FAM53A: variants seen among roughly 807,000 people sequenced by gnomAD.
FAM53A encodes family with sequence similarity 53 member A, also known as protein FAM53A.
FAM53A carries 28 observed loss-of-function variants against 26.6 expected under a neutral mutation model. The observed-to-expected ratio is 1.05, with a 90% CI of 0.78 to 1.45. The LOEUF (loss-of-function observed/expected upper bound fraction) is 1.45, where lower values mean the gene tolerates loss of function less well. FAM53A is among the 40% of genes most tolerant of loss of function. The pLI, the probability that FAM53A is intolerant of heterozygous loss-of-function variation, is 0.00. For synonymous variants in FAM53A, 290 were observed against 253.1 expected (o/e 1.15, Z -1.38); for missense variants, 650 against 575.8 (o/e 1.13, Z -1.32).
rs531449285 is a variant in FAM53A, at chr4:1,658,203, G to A, written c.76-735C>T. On this transcript the variant is annotated intron_variant, in intron 2 of 4. Coordinates refer to ENST00000308132, the MANE Select transcript of FAM53A (RefSeq NM_001174070.3). ...TTTTGTTTTTTTAAATATATTTTTCGTAGAGACAGGGTTTCACCGTGTCAG... is the reference window on the plus strand; with the variant it reads ...TTTTGTTTTTTTAAATATATTTTTCATAGAGACAGGGTTTCACCGTGTCAG... Among the ~76,000 whole-genome samples, 9 of 151,078 alleles carry A rather than the reference G, an allele frequency of 6.0e-5. No homozygotes were observed. In the South Asian group the frequency reaches 6.3e-4, roughly 11 times the overall value.
At chr4:1,672,315 T>C (rs1299211083) in intron 1 of FAM53A, among the ~76,000 whole-genome samples, 1 of 69,494 alleles carries the variant, frequency 1.4e-5, no homozygotes, top group Admixed American at 1.3e-4. Flanking sequence ...CATGAACCCA[T>C]GGACCCACAA....
chr4:1,605,682 G>C, the FAM53A span, among the ~76,000 whole-genome samples: 1 of 152,068 alleles, frequency 6.6e-6, no homozygotes, highest in Non-Finnish European at 1.5e-5. This position sits in a 1 kb window ranked among gnomAD's most constrained non-coding sequence, Gnocchi z 5.7. Context: ...GACCCTGCAG[G>C]GTGAGCTCTG....
chr4:1,656,927 G>C (rs1408024066), intron 3 of FAM53A, among the ~76,000 whole-genome samples: 2 of 152,270 alleles, frequency 1.3e-5, no homozygotes, highest in African/African-American at 4.8e-5. Flanking sequence ...ACACCAGCCA[G>C]CCTCCATACT....
At chr4:1,669,583 G>A (rs1462395594) in intron 1 of FAM53A, among the ~76,000 whole-genome samples, 1 of 152,234 alleles carries the variant, frequency 6.6e-6, no homozygotes, top group East Asian at 1.9e-4. Context: ...TGCACCCAGC[G>A]TGTCCCCAAA....
intron 2 of FAM53A, among the ~76,000 whole-genome samples, chr4:1,661,069 T>C (rs1713799927): frequency 6.6e-6 from 1 of 151,040 alleles, no homozygotes; most frequent in African/African-American, 2.4e-5. Flanking sequence ...TCACACCGCC[T>C]CCTCTCTCCC....
chr4:1,624,455 G>T (rs959587336), intron 1 of FAM53A, among the ~76,000 whole-genome samples: 1 of 152,188 alleles, frequency 6.6e-6, no homozygotes, highest in Non-Finnish European at 1.5e-5. Context: ...GAGGCTGACG[G>T]GTCATCCAGG....
intron 1 of FAM53A, among the ~76,000 whole-genome samples, chr4:1,629,392 G>T (rs1324068950): frequency 6.6e-6 from 1 of 152,198 alleles, no homozygotes; most frequent in African/African-American, 2.4e-5. Context: ...AGGGAAAGCG[G>T]AGCCTGGGGC....
the FAM53A span, among the ~76,000 whole-genome samples, chr4:1,583,843 C>T: frequency 3.3e-5 from 5 of 152,242 alleles, no homozygotes; most frequent in Admixed American, 3.3e-4. Flanking sequence ...CCTTGTCAAT[C>T]CTGGGAACTA....
At chr4:1,595,303 T>G in the FAM53A span, among the ~76,000 whole-genome samples, 3 of 152,232 alleles carry the variant, frequency 2.0e-5, no homozygotes, top group Admixed American at 1.3e-4. Context: ...GTACAGACGC[T>G]GCCATGGTCC....
chr4:1,603,432 G>A, the FAM53A span, among the ~76,000 whole-genome samples: 20 of 152,260 alleles, frequency 1.3e-4, no homozygotes, highest in South Asian at 2.1e-4. Flanking sequence ...CTGCTGGGCC[G>A]CCCACCGCAG....
downstream of FAM53A, chr4:1,639,816 T>C (rs914712988): frequency 1.3e-5 from 2 of 152,258 alleles, no homozygotes; most frequent in Non-Finnish European, 2.9e-5. Context: ...AAAGTGGCAT[T>C]GATTAACTTC....
chr4:1,599,662 A>G, the FAM53A span, among the ~76,000 whole-genome samples: 1 of 140,356 alleles, frequency 7.1e-6, no homozygotes, highest in Non-Finnish European at 1.5e-5. This position sits in a 1 kb window ranked among gnomAD's most constrained non-coding sequence, Gnocchi z 6.1. Flanking sequence ...AGCCCAGCCC[A>G]CCCCGCTTGG....
chr4:1,610,674 C>T, the FAM53A span, among the ~76,000 whole-genome samples: 2 of 152,108 alleles, frequency 1.3e-5, no homozygotes, highest in East Asian at 3.9e-4. Flanking sequence ...GGGTGGGGGA[C>T]AGAGGCCTGG....
Position 1,659,991 on chromosome 4 carries a change from A to G in FAM53A, c.76-2523T>C, listed in dbSNP as rs1713706960. ...GGGGAATGTGAACATGCAACCCTTA[A>G]GCCTAAGGAAATCTGGACTTCAGGG... is the stretch of plus-strand genomic sequence containing the variant. On this transcript the variant is annotated intron_variant, in intron 2 of 4. Coordinates refer to ENST00000308132, the MANE Select transcript of FAM53A (RefSeq NM_001174070.3). This position sits in a 1 kb window ranked among gnomAD's most constrained non-coding sequence, Gnocchi z 5.2. Among the ~76,000 whole-genome samples the G allele has an allele frequency of 6.6e-6, 1 of 152,156 alleles. No individual in the cohort carries two copies. Among genetic ancestry groups the G allele is most frequent in the South Asian group, 2.1e-4 (1 of 4,826 alleles).
chr4:1,596,807 G>C, the FAM53A span, among the ~76,000 whole-genome samples: 1 of 152,018 alleles, frequency 6.6e-6, no homozygotes, highest in African/African-American at 2.4e-5. Context: ...CAGAGACAAG[G>C]GGAGAGACAG....
chr4:1,648,834 C>A (rs1480058554), intron 4 of FAM53A, among the ~76,000 whole-genome samples: 2 of 152,150 alleles, frequency 1.3e-5, no homozygotes, highest in African/African-American at 4.8e-5. Context: ...CGGGGCAAGC[C>A]GGGAGTGGTG....
chr4:1,597,806 G>A, the FAM53A span, among the ~76,000 whole-genome samples: 1 of 152,344 alleles, frequency 6.6e-6, no homozygotes, highest in South Asian at 2.1e-4. Flanking sequence ...GACCTGCCTG[G>A]CCACCATGGT....
At chr4:1,661,987 C>T (rs1234680418) in intron 2 of FAM53A, among the ~76,000 whole-genome samples, 2 of 152,104 alleles carry the variant, frequency 1.3e-5, no homozygotes, top group East Asian at 1.9e-4. Flanking sequence ...TCCATTTACA[C>T]ACCACTCTCG....
In FAM53A at chr4:1,652,490, C is replaced by T. The variant is rs757033804; in HGVS notation, c.882+2488G>A. On this transcript the variant is annotated intron_variant, in intron 4 of 4. Coordinates refer to ENST00000308132, the MANE Select transcript of FAM53A (RefSeq NM_001174070.3). ...CGACACACATCACACATACCACACA[C>T]GTCACAAACACACCACACATTCCAC... 6.8e-5 allele frequency among the ~76,000 whole-genome samples: 10 copies of T among 147,518 alleles called. No homozygotes were observed. The East Asian group carries it at 1.2e-3, about 18-fold the overall frequency.
Sources: gnomAD v4.1 joint callset for allele counts (sites outside exome capture counted in the v4.1 genomes callset) on GRCh38, gnomAD v4.1.1 for gene constraint, Gnocchi (gnomAD v3.1) non-coding constraint, MANE v1.5 for transcripts, NCBI Gene and HGNC (gene_info 2026-07-23, HGNC 2026-07-21) for gene names.